The following SPAG4 variants were observed in gnomAD, a reference collection of about 807,000 sequenced individuals.
The protein encoded by SPAG4 is sperm-associated antigen 4 protein.
In SPAG4, 54 loss-of-function variants were observed where a neutral mutation model predicts 53.9. The ratio of observed to expected loss-of-function variants is 1.00; its 90% confidence interval spans 0.80 to 1.26. The LOEUF is 1.26. SPAG4 is among the 50% of genes most tolerant of loss of function. SPAG4 has a pLI of 0.00. For synonymous variants in SPAG4, 246 were observed against 237.4 expected, an observed-to-expected ratio of 1.04 and a Z score of -0.33; for missense variants, 548 against 568.6, an observed-to-expected ratio of 0.96 and a Z score of 0.37.
rs1474572248 is a variant in SPAG4 at position 35,619,250 on chromosome 20, C to A, written c.849C>A (p.Ala283=). The A allele has an allele frequency of 1.2e-6, 2 of 1,614,096 alleles. No homozygotes were observed. The change falls in exon 9 of 12, where the codon GCC becomes GCA. Residue 283 remains alanine, a synonymous_variant. Transcript: ENST00000374273. ...ACGATTACGCAGACAGGAACACTGC[C>A]TACTTCTGGAATCGCTTCAGCTTCT... The part of the protein sequence containing the change: ...TSHDYADRNT[A]YFWNRFSFWN...
At chr20:35,620,820 G>A in intron 11 of SPAG4, 47 bp downstream of exon 11, 4 of 1,612,978 alleles carry the variant, frequency 2.5e-6, no homozygotes, top group Admixed American at 1.7e-5. Flanking sequence ...GGGGCAGTGA[G>A]GGATGAATGA....
In SPAG4 at chr20:35,618,100, G is replaced by C. The variant is rs776555733; in HGVS notation, c.552G>C (p.Gly184=). The C allele has an allele frequency of 1.2e-6, 2 of 1,613,584 alleles. No homozygotes were observed. Among genetic ancestry groups the C allele is most frequent in the Non-Finnish European group, 1.7e-6 (2 of 1,179,896 alleles). Residue 184 remains glycine (G), a synonymous_variant, in exon 5 of 12, where the codon GGG becomes GGC. Coordinates refer to ENST00000374273, the MANE Select transcript of SPAG4 (RefSeq NM_003116.3). ...CTCTTTCTCCAGCATTCTGGCTGGG[G>C]CTTCTGTACCTGGTCTCTCCTTTGG... ...LSLFLSAFWL[G]LLYLVSPLEN... is the part of the protein sequence containing the mutation.
At chr20:35,620,529 A>G in intron 10 of SPAG4, 155 bp from the exon 11 acceptor site, 2 of 591,226 alleles carry the variant, frequency 3.4e-6, no homozygotes, top group South Asian at 4.2e-5. Flanking sequence ...TAGAGCCCAC[A>G]TTCTGAATTA....
chr20:35,617,071 C>G (rs2031410638), intron 1 of SPAG4, 65 bp from the exon 2 acceptor site: 4 of 1,068,302 alleles, frequency 3.7e-6, no homozygotes, highest in Admixed American at 2.0e-5. Flanking sequence ...ATCTGCGGCC[C>G]GGTCTCGAGG....
chr20:35,619,669 A>G lies in SPAG4; in HGVS notation c.1000A>G (p.Ile334Val). The change falls in exon 10 of 12, where the codon ATC becomes GTC. Residue 334 changes from isoleucine to valine, a missense_variant. By Grantham distance (29) the Ile-to-Val change is conservative. Coordinates refer to ENST00000374273, the MANE Select transcript of SPAG4 (RefSeq NM_003116.3). The stretch of plus-strand genomic sequence containing the variant: ...GCCGGGCCGAGTGCAGCTGAGCGAC[A>G]TCACTCTGCAGCATCCACCGCCCAG... ...QLPGRVQLSDITLQHPPPSVE... is the reference protein window; with the variant it reads ...QLPGRVQLSDVTLQHPPPSVE... The G allele has an allele frequency of 6.2e-7, 1 of 1,613,986 alleles. No homozygotes were observed. Among genetic ancestry groups the G allele is most frequent in the Non-Finnish European group, 8.5e-7 (1 of 1,180,012 alleles).
intron 4 of SPAG4, 55 bp from the exon 5 acceptor site, chr20:35,618,032 G>T: frequency 6.3e-7 from 1 of 1,579,230 alleles, no homozygotes; most frequent in Non-Finnish European, 8.7e-7. Flanking sequence ...CCCCTATGCC[G>T]GGGAAACCCA....
At chr20:35,617,638 G>T (rs1163854829) in intron 3 of SPAG4, 52 bp downstream of exon 3, 1 of 1,597,788 alleles carries the variant, frequency 6.3e-7, no homozygotes, top group Non-Finnish European at 8.6e-7. Flanking sequence ...GAGGGGGTGG[G>T]GAGCAGGGCC....
chr20:35,618,490 C>G lies in SPAG4; in HGVS notation c.608+15C>G, dbSNP rs369273073. 9 of 1,613,650 alleles carry G rather than the reference C, an allele frequency of 5.6e-6. No individual in the cohort carries two copies. Among genetic ancestry groups the G allele is most frequent in the African/African-American group, 4.0e-5 (3 of 74,900 alleles). The stretch of plus-strand genomic sequence containing the variant: ...CTGACTCTAAGGTGAAAGAGGGCAC[C>G]TAGGGTGGGAAATTGGGGGGCTCAA... On this transcript the variant is annotated intron_variant, in intron 6 of 11. Transcript: ENST00000374273.
chr20:35,617,929 G>A, intron 4 of SPAG4, 89 bp downstream of exon 4: 10 of 1,440,952 alleles, frequency 6.9e-6, no homozygotes, highest in Non-Finnish European at 2.0e-6. Context: ...CGGTCCTGCA[G>A]CTCCTGGCAT....
chr20:35,618,212 C>A, intron 5 of SPAG4, 82 bp downstream of exon 5: 1 of 1,385,122 alleles, frequency 7.2e-7, no homozygotes, highest in Non-Finnish European at 1.0e-6. Flanking sequence ...GACTGTCGGT[C>A]TGCTGGGGTG....
chr20:35,616,424 A>G (rs2031383676), intron 1 of SPAG4, 117 bp downstream of exon 1: 2 of 1,383,194 alleles, frequency 1.4e-6, no homozygotes, highest in African/African-American at 3.0e-5. Flanking sequence ...TGGGTCCTGT[A>G]GGGTAAAGGG....
chr20:35,616,417 G>T (rs536709833), intron 1 of SPAG4, 110 bp downstream of exon 1: 1 of 1,396,486 alleles, frequency 7.2e-7, no homozygotes, highest in Admixed American at 3.1e-5. Context: ...TACAAGGTGG[G>T]TCCTGTAGGG....
rs2146259121 is a variant in SPAG4 at position 35,615,970 on chromosome 20, T to C, written c.-34T>C. 2 of 1,604,336 alleles carry C rather than the reference T, an allele frequency of 1.2e-6. No individual in the cohort carries two copies. The highest frequency in any genetic ancestry group is 1.7e-6 in the Non-Finnish European group (2 of 1,177,364). ...GGGCCTTGGCGACCGCAGCGGCGGC[T>C]TTAGCGTCAGTGACTAGGCAGCAGG... On this transcript the variant is annotated 5_prime_UTR_variant, in exon 1 of 12. Coordinates refer to ENST00000374273, the MANE Select transcript of SPAG4 (RefSeq NM_003116.3).
intron 9 of SPAG4, 117 bp downstream of exon 9, chr20:35,619,427 TC>T: frequency 7.2e-7 from 1 of 1,385,412 alleles, no homozygotes; most frequent in Admixed American, 1.7e-5. Context: ...GGCGTTTAAC[TC>T]AAGGAGAGAC....
chr20:35,619,018 G>C lies in SPAG4; in HGVS notation c.793+20G>C, dbSNP rs2031482782. 6.2e-7 allele frequency: 1 copy of C among 1,605,492 alleles called. No individual in the cohort carries two copies. The highest frequency in any genetic ancestry group is 1.7e-5 in the Admixed American group (1 of 60,002). ...CTGTGGGTAAGACCCGGAGACACTG[G>C]AAGACAGAGACGCAGACAGGAAAGA... On this transcript the variant is annotated intron_variant, in intron 8 of 11. Transcript: ENST00000374273.
rs2031479226 is a variant in SPAG4, at chr20:35,618,909, C to T, written c.718-14C>T. On this transcript the variant is annotated splice_polypyrimidine_tract_variant and intron_variant, in intron 7 of 11. Transcript: ENST00000374273. ...AAGCCTCGCCCCTCCAGGCCTCGCCCTCCCTCCTTGCAGAGAGTGGCCAAG... is the reference window on the plus strand; with the variant it reads ...AAGCCTCGCCCCTCCAGGCCTCGCCTTCCCTCCTTGCAGAGAGTGGCCAAG... 1.2e-6 allele frequency: 2 copies of T among 1,613,434 alleles called. No individual in the cohort carries two copies. The highest frequency in any genetic ancestry group is 1.7e-6 in the Non-Finnish European group (2 of 1,179,318).
intron 9 of SPAG4, 86 bp downstream of exon 9, chr20:35,619,396 T>A: frequency 7.0e-7 from 1 of 1,433,426 alleles, no homozygotes; most frequent in South Asian, 1.1e-5. Context: ...GGAGCTTGGC[T>A]GAGCCGAGGG....
Position 35,616,134 on chromosome 20 carries a change from C to A in SPAG4, c.131C>A (p.Pro44His). 6.2e-7 allele frequency: 1 copy of A among 1,605,148 alleles called. No individual in the cohort carries two copies. The highest frequency in any genetic ancestry group is 1.7e-4 in the Middle Eastern group (1 of 5,934). The change falls in exon 1 of 12, where the codon CCT becomes CAT. Residue 44 changes from proline to histidine, a missense_variant. Physicochemically the swap from Pro to His is moderately conservative, Grantham distance 77. Transcript: ENST00000374273. Reference sequence around the variant, plus strand: ...GGGCTCCGGTCAGCGGAGCCCGGGCCTGGGGAGCCCGAGGGCAGAAGAGCC... The same window carrying A: ...GGGCTCCGGTCAGCGGAGCCCGGGCATGGGGAGCCCGAGGGCAGAAGAGCC... ...SKGLRSAEPGPGEPEGRRARG... is the reference protein window; with the variant it reads ...SKGLRSAEPGHGEPEGRRARG...
At chr20:35,616,803 T>A in intron 1 of SPAG4, 1 of 281,984 alleles carries the variant, frequency 3.5e-6, no homozygotes. Context: ...CCAATTTTTG[T>A]GTTTTTAGTA....
Sources: gnomAD v4.1 joint callset for allele counts on GRCh38, gnomAD v4.1.1 for gene constraint, MANE v1.5 for transcripts, NCBI Gene and HGNC (gene_info 2026-07-23, HGNC 2026-07-21) for gene names.